Variants in ZSWIM5 observed in about 807,000 individuals in gnomAD.
The protein encoded by ZSWIM5 is zinc finger SWIM-type containing 5.
Under a neutral mutation model 119.6 loss-of-function variants are expected in ZSWIM5, and 55 were observed. The ratio of observed to expected loss-of-function variants is 0.46; its 90% CI spans 0.37 to 0.58. The LOEUF (loss-of-function observed/expected upper bound fraction) is 0.58, where lower values mean the gene tolerates loss of function less well. Among genes scored for constraint, ZSWIM5 ranks in the 20% least tolerant of loss-of-function variants. The probability of loss-of-function intolerance (pLI) is 0.00; values close to 1 mark genes in which losing one functional copy is unlikely to be tolerated. For synonymous variants in ZSWIM5, 537 were observed against 606.9 expected, an observed-to-expected ratio of 0.88 and a Z score of 1.69; for missense variants, 1,193 against 1,512.8, an observed-to-expected ratio of 0.79 and a Z score of 3.51.
chr1:45,055,050 G>A (rs546073849), intron 4 of ZSWIM5, among the ~76,000 whole-genome samples: 1 of 152,280 alleles, frequency 6.6e-6, no homozygotes, highest in East Asian at 1.9e-4. Context: ...GGAGTGCAGT[G>A]GCACGGTCTT....
chr1:45,088,085 C>T lies in ZSWIM5; in HGVS notation c.748G>A (p.Ala250Thr). ...KDIFYCAHVV[A>T]LSLYRIRKPD... ...TTACGGATCCTGTAGAGTGAGAGTGCTACCACATGGGCACAGTAGAATATG... is the reference window on the plus strand; with the variant it reads ...TTACGGATCCTGTAGAGTGAGAGTGTTACCACATGGGCACAGTAGAATATG... Residue 250 changes from alanine to threonine, a missense_variant, in exon 2 of 14, where the codon GCA (alanine) becomes ACA (threonine). Transcript: ENST00000359600. The surrounding 1 kb of genome is among the most constrained non-coding windows in gnomAD (Gnocchi z 4.2). 1.2e-6 allele frequency: 2 copies of T among 1,614,168 alleles called. No homozygotes were observed. Among genetic ancestry groups the T allele is most frequent in the Non-Finnish European group, 1.7e-6 (2 of 1,180,022 alleles).
chr1:45,088,026 G>A lies in ZSWIM5; in HGVS notation c.807C>T (p.Ser269=), dbSNP rs184909962. 4.6e-5 allele frequency: 74 copies of A among 1,614,174 alleles called. 1 individual carries two copies. The highest frequency in any genetic ancestry group is 2.7e-4 in the South Asian group (25 of 91,082). Residue 269 remains serine (S), a synonymous_variant, in exon 2 of 14, where the codon TCC becomes TCT. Coordinates refer to ENST00000359600, the MANE Select transcript of ZSWIM5 (RefSeq NM_020883.2). This position sits in a 1 kb window ranked among gnomAD's most constrained non-coding sequence, Gnocchi z 4.2. The part of the protein sequence containing the change: ...PDQVKLRLPI[S]ETLFQMNRDQ... ...CCCTATTCATCTGGAAAAGGGTTTC[G>A]GAGATAGGAAGACGCAATTTGACTT...
intron 6 of ZSWIM5, 67 bp from the exon 7 acceptor site, chr1:45,040,605 A>C (rs1372961421): frequency 6.9e-7 from 1 of 1,441,456 alleles, no homozygotes; most frequent in Admixed American, 2.3e-5. Context: ...TATACCTGAC[A>C]AAGAGAGTTT....
chr1:45,168,128 G>A (rs1645919572), intron 1 of ZSWIM5, among the ~76,000 whole-genome samples: 1 of 152,086 alleles, frequency 6.6e-6, no homozygotes, highest in Admixed American at 6.6e-5. Context: ...TATACAGCAT[G>A]GAATACTATG....
In ZSWIM5 at chr1:45,183,780, C is replaced by G. The variant is rs147370371; in HGVS notation, c.595+21976G>C. On this transcript the variant is annotated intron_variant, in intron 1 of 13. Transcript: ENST00000359600. ...CAATAGCTTACCAACCAAAAAGAGTCCAGGACCAGATGGATTCACAGCTGA... is the reference window on the plus strand; with the variant it reads ...CAATAGCTTACCAACCAAAAAGAGTGCAGGACCAGATGGATTCACAGCTGA... Among the ~76,000 whole-genome samples the G allele has an allele frequency of 4.6e-4, 70 of 152,262 alleles. No homozygotes were observed. In the East Asian group the frequency reaches 0.013, roughly 29 times the overall value.
At chr1:45,031,064 C>T (rs921968106) in intron 11 of ZSWIM5, among the ~76,000 whole-genome samples, 1 of 151,854 alleles carries the variant, frequency 6.6e-6, no homozygotes, top group Non-Finnish European at 1.5e-5. Flanking sequence ...TCCCACAGTG[C>T]TGGGATTACA....
chr1:45,031,600 G>T (rs927063328), intron 11 of ZSWIM5, among the ~76,000 whole-genome samples: 1 of 151,970 alleles, frequency 6.6e-6, no homozygotes, highest in African/African-American at 2.4e-5. Flanking sequence ...AGCACTTTGG[G>T]AGGCTGAGGT....
intron 2 of ZSWIM5, among the ~76,000 whole-genome samples, chr1:45,062,803 C>T (rs1163343243): frequency 2.6e-5 from 4 of 152,008 alleles, no homozygotes; most frequent in Middle Eastern, 3.2e-3. Context: ...CATACCTGGC[C>T]GAGTTTTTTA....
At chr1:45,064,698 T>C (rs1336064494) in intron 2 of ZSWIM5, among the ~76,000 whole-genome samples, 2 of 152,236 alleles carry the variant, frequency 1.3e-5, no homozygotes, top group Non-Finnish European at 2.9e-5. Context: ...AGGTGCTCAA[T>C]AAATATTTAT....
chr1:45,020,188 T>G, intron 12 of ZSWIM5, 41 bp from the exon 13 acceptor site: 1 of 1,529,398 alleles, frequency 6.5e-7, no homozygotes, highest in South Asian at 1.1e-5. Context: ...TATGCCTAAC[T>G]GTTGTGACCT....
intron 1 of ZSWIM5, among the ~76,000 whole-genome samples, chr1:45,169,141 C>T (rs1645929216): frequency 6.6e-6 from 1 of 151,930 alleles, no homozygotes; most frequent in Non-Finnish European, 1.5e-5. Flanking sequence ...TTTATACGTT[C>T]TTTTACACTT....
chr1:45,020,059 G>C lies in ZSWIM5; in HGVS notation c.2695+7C>G, dbSNP rs369023712. 6.2e-7 allele frequency: 1 copy of C among 1,613,610 alleles called. No individual in the cohort carries two copies. The highest frequency in any genetic ancestry group is 8.5e-7 in the Non-Finnish European group (1 of 1,179,716). ...CCCCTGGGGGTAGAGGGAGGTGGGA[G>C]ACTCACCCACTTCTGTAGCACAGGT... is the stretch of plus-strand genomic sequence containing the variant. On this transcript the variant is annotated splice_region_variant and intron_variant, in intron 13 of 13. Coordinates refer to ENST00000359600, the MANE Select transcript of ZSWIM5 (RefSeq NM_020883.2).
chr1:45,199,202 T>C (rs1258143104), intron 1 of ZSWIM5, among the ~76,000 whole-genome samples: 1 of 152,130 alleles, frequency 6.6e-6, no homozygotes, highest in Non-Finnish European at 1.5e-5. Flanking sequence ...TGTATTTCTC[T>C]AAGGACTAAA....
At chr1:45,030,242 T>C (rs557015403) in intron 11 of ZSWIM5, among the ~76,000 whole-genome samples, 1 of 151,528 alleles carries the variant, frequency 6.6e-6, no homozygotes, top group East Asian at 2.0e-4. Flanking sequence ...CTTTGGCCTT[T>C]AATGACTGAA....
chr1:45,060,082 AC>A lies in ZSWIM5; in HGVS notation c.1101+16del, dbSNP rs772493337. ...CTTTTGTCAACAACAAAAGAAAAAC[AC>A]CTTTTCATATCTTACCTTGGCAAAC... On this transcript the variant is annotated intron_variant, in intron 3 of 13. Transcript: ENST00000359600. 4 of 1,613,716 alleles carry A rather than the reference AC, an allele frequency of 2.5e-6. No individual in the cohort carries two copies. In the African/African-American group the frequency reaches 4.0e-5, roughly 16 times the overall value.
chr1:45,182,812 C>A (rs980772492), intron 1 of ZSWIM5, among the ~76,000 whole-genome samples: 2 of 152,108 alleles, frequency 1.3e-5, no homozygotes, highest in African/African-American at 4.8e-5. Flanking sequence ...GACTTTAACA[C>A]CCCACTGTCA....
intron 1 of ZSWIM5, among the ~76,000 whole-genome samples, chr1:45,125,501 AC>A (rs1238816338): frequency 3.7e-4 from 56 of 152,248 alleles, no homozygotes; most frequent in Non-Finnish European, 2.1e-4. Context: ...ACAAAAAAAA[AC>A]AAAAGGCCAC....
intron 3 of ZSWIM5, 75 bp from the exon 4 acceptor site, chr1:45,058,834 GGGGAAGTGA>G: frequency 6.4e-7 from 1 of 1,558,540 alleles, no homozygotes; most frequent in Non-Finnish European, 8.8e-7. Flanking sequence ...AGTGGGGGAG[GGGGAAGTGA>G]AGATGAAGTA....
chr1:45,161,711 TTTTCTTTATA>T (rs1313191861), intron 1 of ZSWIM5, among the ~76,000 whole-genome samples: 1 of 152,188 alleles, frequency 6.6e-6, no homozygotes, highest in Non-Finnish European at 1.5e-5. Flanking sequence ...AACTTCAGGA[TTTTCTTTATA>T]TTTCTTTTTA....
Sources: allele counts gnomAD v4.1 joint callset (sites outside exome capture counted in the v4.1 genomes callset), GRCh38; gene constraint gnomAD v4.1.1; non-coding constraint Gnocchi (gnomAD v3.1); transcripts MANE v1.5; gene names NCBI Gene and HGNC (gene_info 2026-07-23, HGNC 2026-07-21).